Variants in IQCH observed in about 807,000 individuals in gnomAD.
IQCH encodes IQ domain-containing protein H.
A neutral mutation model predicts 117.0 loss-of-function variants in IQCH; 98 were observed. The ratio of observed to expected loss-of-function variants is 0.84; its 90% CI spans 0.71 to 0.99. IQCH has a LOEUF of 0.99. Ranked by LOEUF, IQCH falls within the 50% of genes least tolerant of loss-of-function variation. The pLI is 0.00. For missense variants in IQCH, 1,102 were observed against 1,243.8 expected, an observed-to-expected ratio of 0.89 and a Z score of 1.72; for synonymous variants, 412 against 448.2, an observed-to-expected ratio of 0.92 and a Z score of 1.02.
intron 4 of IQCH, among the ~76,000 whole-genome samples, chr15:67,280,765 G>A (rs1966321093): frequency 6.6e-6 from 1 of 151,946 alleles, no homozygotes; most frequent in Non-Finnish European, 1.5e-5. Context: ...CCTCTTTTGG[G>A]TAGCAGGAAC....
chr15:67,418,446 T>G (rs1465324289), intron 15 of IQCH, among the ~76,000 whole-genome samples: 1 of 149,450 alleles, frequency 6.7e-6, no homozygotes, highest in African/African-American at 2.5e-5. Flanking sequence ...AATTTCCACA[T>G]GTACCCACTG....
intron 4 of IQCH, chr15:67,282,382 T>C (rs1427764590): frequency 6.6e-6 from 1 of 151,706 alleles, no homozygotes; most frequent in East Asian, 1.9e-4. Context: ...TGGCCAGAAA[T>C]TTATTTGCCC....
chr15:67,473,588 A>G lies in IQCH; in HGVS notation c.2677-2108A>G, dbSNP rs1338382408. Among the ~76,000 whole-genome samples the G allele has an allele frequency of 6.6e-6, 1 of 152,246 alleles. No homozygotes were observed. Among genetic ancestry groups the G allele is most frequent in the East Asian group, 1.9e-4 (1 of 5,200 alleles). On this transcript the variant is annotated intron_variant, in intron 17 of 20. Coordinates refer to ENST00000335894, the MANE Select transcript of IQCH (RefSeq NM_001031715.3). The surrounding 1 kb of genome is among the most constrained non-coding windows in gnomAD (Gnocchi z 4.9). ...TGAAGAGTCTCTTAAGTCAGAGGGA[A>G]GAGCTATCCACCTAATCTATTTCAT...
chr15:67,360,614 T>C (rs1970092165), intron 8 of IQCH, among the ~76,000 whole-genome samples: 1 of 152,240 alleles, frequency 6.6e-6, no homozygotes, highest in Admixed American at 6.5e-5. Context: ...TGTGTGAAAG[T>C]GTTTTGGAAA....
chr15:67,330,723 G>A (rs1438522932), intron 4 of IQCH, among the ~76,000 whole-genome samples: 1 of 152,158 alleles, frequency 6.6e-6, no homozygotes, highest in Non-Finnish European at 1.5e-5. Flanking sequence ...TTTTCATTCT[G>A]CCTCTGAAAT....
At chr15:67,396,940 C>T (rs1024042588) in intron 13 of IQCH, among the ~76,000 whole-genome samples, 4 of 152,188 alleles carry the variant, frequency 2.6e-5, no homozygotes, top group African/African-American at 9.6e-5. Context: ...TTTCTCTTAA[C>T]GGTATCACAA....
intron 4 of IQCH, among the ~76,000 whole-genome samples, chr15:67,331,209 A>G (rs1326900996): frequency 2.0e-5 from 3 of 152,204 alleles, no homozygotes; most frequent in Non-Finnish European, 4.4e-5. Context: ...AATGGAAGGG[A>G]GAATTAGGGG....
At chr15:67,487,704 C>T (rs977784853) in intron 18 of IQCH, among the ~76,000 whole-genome samples, 2 of 152,122 alleles carry the variant, frequency 1.3e-5, no homozygotes, top group African/African-American at 4.8e-5. Flanking sequence ...GTGCAGCCAG[C>T]GTTGGCAGCC....
At chr15:67,336,313 G>GTA (rs2140655854) in intron 4 of IQCH, among the ~76,000 whole-genome samples, 1 of 152,138 alleles carries the variant, frequency 6.6e-6, no homozygotes, top group South Asian at 2.1e-4. Context: ...TACGATAAAG[G>GTA]TAAAAATAGT....
chr15:67,377,146 A>C (rs1970767531), intron 10 of IQCH, among the ~76,000 whole-genome samples: 1 of 151,594 alleles, frequency 6.6e-6, no homozygotes, highest in Non-Finnish European at 1.5e-5. Flanking sequence ...AAAAGAAAAA[A>C]AGAAAGGAGG....
intron 5 of IQCH, among the ~76,000 whole-genome samples, chr15:67,343,415 T>C (rs1417668638): frequency 6.6e-6 from 1 of 152,214 alleles, no homozygotes; most frequent in African/African-American, 2.4e-5. Context: ...ACTTATTCAT[T>C]TGTTTATTTA....
At chr15:67,280,183 T>A (rs1966294652) in intron 4 of IQCH, among the ~76,000 whole-genome samples, 1 of 152,246 alleles carries the variant, frequency 6.6e-6, no homozygotes, top group African/African-American at 2.4e-5. Context: ...GATATGTTCA[T>A]GGCATGGTCA....
intron 16 of IQCH, among the ~76,000 whole-genome samples, chr15:67,455,464 A>C (rs2082638106): frequency 6.6e-6 from 1 of 152,166 alleles, no homozygotes; most frequent in South Asian, 2.1e-4. Context: ...TCTTGCCTAT[A>C]TATTCTGCAA....
At chr15:67,382,298 TAG>T (rs1331091662) in intron 10 of IQCH, among the ~76,000 whole-genome samples, 1 of 152,194 alleles carries the variant, frequency 6.6e-6, no homozygotes, top group Admixed American at 6.5e-5. Flanking sequence ...AAGAGAGACC[TAG>T]CAACTCTTCT....
At chr15:67,419,541 C>A (rs2081670253) in intron 15 of IQCH, among the ~76,000 whole-genome samples, 1 of 152,068 alleles carries the variant, frequency 6.6e-6, no homozygotes. Flanking sequence ...ATATCAGAAG[C>A]AATACTTTTT....
At chr15:67,492,061 G>A (rs1462807700) in intron 19 of IQCH, among the ~76,000 whole-genome samples, 10 of 152,136 alleles carry the variant, frequency 6.6e-5, no homozygotes, top group Admixed American at 5.2e-4. Context: ...AACTTGACAC[G>A]GTGATGTCAG....
At chr15:67,309,938 G>A (rs886396054) in intron 4 of IQCH, among the ~76,000 whole-genome samples, 21 of 150,082 alleles carry the variant, frequency 1.4e-4, no homozygotes, top group Non-Finnish European at 1.3e-4. Flanking sequence ...GGAGAATACA[G>A]ATAATATATT....
In IQCH at chr15:67,366,674, A is replaced by G. The variant is rs1426727614; in HGVS notation, c.754-5437A>G. ...CCTTTTATTCTCTTTGTAAAGGTTA[A>G]GGACTCTGACTTCCACTTTTAATTG... On this transcript the variant is annotated intron_variant, in intron 8 of 20. Coordinates refer to ENST00000335894, the MANE Select transcript of IQCH (RefSeq NM_001031715.3). This position sits in a 1 kb window ranked among gnomAD's most constrained non-coding sequence, Gnocchi z 4.4. Among the ~76,000 whole-genome samples the G allele has an allele frequency of 6.6e-6, 1 of 152,160 alleles. No individual in the cohort carries two copies. Among genetic ancestry groups the G allele is most frequent in the Non-Finnish European group, 1.5e-5 (1 of 68,030 alleles).
chr15:67,486,038 C>CT (rs55963427), intron 18 of IQCH, among the ~76,000 whole-genome samples: 71,602 of 106,370 alleles, frequency 0.67, 25,935 homozygotes, highest in Non-Finnish European at 0.76. Context: ...GCTAAGTTTT[C>CT]TTTTTTTTTT....
Sources: gnomAD v4.1 joint callset for allele counts (sites outside exome capture counted in the v4.1 genomes callset) on GRCh38, gnomAD v4.1.1 for gene constraint, Gnocchi (gnomAD v3.1) non-coding constraint, MANE v1.5 for transcripts, NCBI Gene and HGNC (gene_info 2026-07-23, HGNC 2026-07-21) for gene names.